RNF217: variants seen among roughly 807,000 people sequenced by gnomAD.
The protein encoded by RNF217 is E3 ubiquitin-protein ligase RNF217.
In RNF217, 31 loss-of-function variants were observed where a neutral mutation model predicts 57.8. The observed-to-expected ratio is 0.54, with a 90% CI of 0.40 to 0.72. The LOEUF (loss-of-function observed/expected upper bound fraction) is 0.72, where lower values mean the gene tolerates loss of function less well. Among genes scored for constraint, RNF217 ranks in the 30% least tolerant of loss-of-function variants. The pLI is 0.00. For synonymous variants in RNF217, 313 were observed against 294.0 expected (o/e 1.06, Z -0.66); for missense variants, 696 against 708.3 (o/e 0.98, Z 0.20).
chr6:125,065,052 G>T (rs575385671), intron 3 of RNF217, among the ~76,000 whole-genome samples: 14 of 151,966 alleles, frequency 9.2e-5, no homozygotes, highest in African/African-American at 3.4e-4. Context: ...GAGGCGGGCG[G>T]ATCACGAGGT....
chr6:125,041,237 A>G (rs1016307568), intron 1 of RNF217, among the ~76,000 whole-genome samples: 1 of 152,100 alleles, frequency 6.6e-6, no homozygotes, highest in Non-Finnish European at 1.5e-5. Flanking sequence ...TCCACTTCCA[A>G]AATACACCCT....
intron 3 of RNF217, among the ~76,000 whole-genome samples, chr6:125,074,604 A>G (rs769536932): frequency 5.9e-5 from 9 of 152,194 alleles, no homozygotes; most frequent in Non-Finnish European, 1.0e-4. Flanking sequence ...ATTTTAAAGT[A>G]AAGAAAAATT....
intron 1 of RNF217, among the ~76,000 whole-genome samples, chr6:124,988,826 A>G (rs1050632332): frequency 2.6e-5 from 4 of 152,204 alleles, no homozygotes; most frequent in African/African-American, 4.8e-5. Flanking sequence ...GGTCACTTCA[A>G]ACTCAGCATT....
At chr6:125,020,037 G>T (rs1012763733) in intron 1 of RNF217, among the ~76,000 whole-genome samples, 1 of 152,050 alleles carries the variant, frequency 6.6e-6, no homozygotes, top group Non-Finnish European at 1.5e-5. Flanking sequence ...GTCTCTCTTG[G>T]TGCCGCTTTT....
chr6:125,032,224 T>G (rs1786391676), intron 1 of RNF217, among the ~76,000 whole-genome samples: 1 of 152,004 alleles, frequency 6.6e-6, no homozygotes, highest in Non-Finnish European at 1.5e-5. Context: ...CACTACACAG[T>G]AAAGAGGGTT....
intron 1 of RNF217, among the ~76,000 whole-genome samples, chr6:125,015,753 T>G (rs912545244): frequency 2.0e-5 from 3 of 152,078 alleles, no homozygotes; most frequent in African/African-American, 7.2e-5. Flanking sequence ...CTCAAGAATT[T>G]TACTTCTAAT....
chr6:125,051,887 G>T (rs553583279), intron 2 of RNF217, among the ~76,000 whole-genome samples: 3 of 152,096 alleles, frequency 2.0e-5, no homozygotes, highest in Non-Finnish European at 4.4e-5. Flanking sequence ...GAATTTTCCA[G>T]TACCCTTTGT....
intron 1 of RNF217, among the ~76,000 whole-genome samples, chr6:125,042,268 A>T (rs1325620783): frequency 6.6e-6 from 1 of 152,142 alleles, no homozygotes; most frequent in Non-Finnish European, 1.5e-5. Flanking sequence ...CTTGTCAACA[A>T]TGATTCCAAT....
At chr6:124,994,402 A>T (rs1165023413) in intron 1 of RNF217, among the ~76,000 whole-genome samples, 1 of 152,194 alleles carries the variant, frequency 6.6e-6, no homozygotes, top group African/African-American at 2.4e-5. Flanking sequence ...GAACGGAGAC[A>T]TAATTACACC....
At chr6:124,979,605 G>A (rs765777088) in intron 1 of RNF217, among the ~76,000 whole-genome samples, 4 of 152,320 alleles carry the variant, frequency 2.6e-5, no homozygotes, top group Middle Eastern at 3.4e-3. Context: ...CAATGAGGTT[G>A]CAGCAGCACA....
At chr6:125,044,530 T>A (rs1787020436) in intron 1 of RNF217, among the ~76,000 whole-genome samples, 1 of 152,116 alleles carries the variant, frequency 6.6e-6, no homozygotes, top group African/African-American at 2.4e-5. Flanking sequence ...TTTGAATACA[T>A]TAATTTTGTA....
intron 4 of RNF217, among the ~76,000 whole-genome samples, chr6:125,080,620 C>A (rs1185323468): frequency 1.3e-5 from 2 of 151,996 alleles, no homozygotes; most frequent in African/African-American, 4.8e-5. Context: ...AATACAATAA[C>A]AACATGTATT....
At chr6:125,078,365 G>A (rs1325489538) in intron 4 of RNF217, among the ~76,000 whole-genome samples, 3 of 152,128 alleles carry the variant, frequency 2.0e-5, no homozygotes, top group Non-Finnish European at 2.9e-5. Flanking sequence ...TTCTACTTCA[G>A]TGCCACCTTT....
intron 1 of RNF217, among the ~76,000 whole-genome samples, chr6:125,018,910 A>T (rs1351084599): frequency 6.6e-6 from 1 of 152,098 alleles, no homozygotes; most frequent in African/African-American, 2.4e-5. Flanking sequence ...AAAGGGTGGT[A>T]AGTCTCCCCG....
intron 3 of RNF217, among the ~76,000 whole-genome samples, chr6:125,065,251 AC>A (rs1787894850): frequency 6.7e-6 from 1 of 149,534 alleles, no homozygotes; most frequent in East Asian, 2.0e-4. Flanking sequence ...AGATGACGCC[AC>A]TGCACTCCAG....
At position 124,987,613 on chromosome 6, in the gene RNF217, G is replaced by A. The variant is rs557739353; in HGVS notation, c.882+24187G>A. 1.7e-3 allele frequency among the ~76,000 whole-genome samples: 265 copies of A among 152,136 alleles called. 1 individual carries two copies. Among genetic ancestry groups the A allele is most frequent in the South Asian group, 8.7e-3 (42 of 4,816 alleles). ...GTCTACTGCAAATTAGTGTGAAAAC[G>A]GAGATCTTGCTTCTTGTTTTTTTAA... On this transcript the variant is annotated intron_variant, in intron 1 of 5. Transcript: ENST00000521654.
chr6:125,076,894 G>A, intron 4 of RNF217, 36 bp downstream of exon 4: 4 of 1,556,500 alleles, frequency 2.6e-6, no homozygotes, highest in Admixed American at 1.7e-5. Context: ...GTCTTCCCTG[G>A]GAATTAAGTA....
At position 125,086,519 on chromosome 6, in the gene RNF217, G is replaced by A. The variant is rs1219318796; in HGVS notation, c.*3582G>A. On this transcript the variant is annotated 3_prime_UTR_variant, in exon 6 of 6. Transcript: ENST00000521654. Reference sequence around the variant, plus strand: ...GAACTTAATTATGCCATTGTGAAAAGTAGGAAAGAATATGTTGGCAATTAT... The same window carrying A: ...GAACTTAATTATGCCATTGTGAAAAATAGGAAAGAATATGTTGGCAATTAT... 6.6e-6 allele frequency: 1 copy of A among 152,028 alleles called. No homozygotes were observed. The highest frequency in any genetic ancestry group is 1.9e-4 in the East Asian group (1 of 5,182). 9.4% of individuals were successfully genotyped at this position (152,028 alleles called of 1,614,324 possible). A position where few individuals can be genotyped will look rare whatever the true frequency, so the allele number is the denominator to read the frequency against.
At chr6:124,983,446 C>G (rs1000289984) in intron 1 of RNF217, 1 of 984,612 alleles carries the variant, frequency 1.0e-6, no homozygotes, top group South Asian at 4.7e-5. Context: ...GAATTTAGAG[C>G]CTGAGTGATG....
Sources: allele counts gnomAD v4.1 joint callset (sites outside exome capture counted in the v4.1 genomes callset), GRCh38; gene constraint gnomAD v4.1.1; transcripts MANE v1.5; gene names NCBI Gene and HGNC (gene_info 2026-07-23, HGNC 2026-07-21).